ZBTB20: variants seen among roughly 807,000 people sequenced by gnomAD.
The protein encoded by ZBTB20 is zinc finger and BTB domain-containing protein 20.
Under a neutral mutation model 56.9 loss-of-function variants are expected in ZBTB20, and 9 were observed. The ratio of observed to expected loss-of-function variants is 0.16; its 90% CI spans 0.10 to 0.28. The LOEUF is 0.28. Ranked by LOEUF, ZBTB20 falls within the 10% of genes least tolerant of loss-of-function variation. The pLI is 1.00. For missense variants in ZBTB20, 655 were observed against 1,003.0 expected (o/e 0.65, Z 4.69); for synonymous variants, 417 against 420.7 (o/e 0.99, Z 0.11).
chr3:114,736,830 C>A (rs560229306), intron 5 of ZBTB20, among the ~76,000 whole-genome samples: 3 of 152,078 alleles, frequency 2.0e-5, no homozygotes, highest in Middle Eastern at 3.2e-3. Context: ...TTATGAACAG[C>A]CTCTGAAGAC....
intron 3 of ZBTB20, among the ~76,000 whole-genome samples, chr3:114,950,429 C>T (rs2077026059): frequency 6.6e-6 from 1 of 152,062 alleles, no homozygotes. Flanking sequence ...ATTTCCCTCT[C>T]AAAACATCTT....
At chr3:115,067,335 A>G (rs1445973288) in intron 2 of ZBTB20, among the ~76,000 whole-genome samples, 1 of 152,066 alleles carries the variant, frequency 6.6e-6, no homozygotes, top group Non-Finnish European at 1.5e-5. Context: ...TGAGGCCAAT[A>G]ATTCAATGAT....
At chr3:114,768,956 T>G (rs2068977083) in intron 5 of ZBTB20, among the ~76,000 whole-genome samples, 1 of 152,160 alleles carries the variant, frequency 6.6e-6, no homozygotes, top group African/African-American at 2.4e-5. Context: ...TTGTCTTACT[T>G]TGGAAATGAG....
intron 5 of ZBTB20, among the ~76,000 whole-genome samples, chr3:114,721,187 T>C (rs1446856348): frequency 6.6e-6 from 1 of 152,174 alleles, no homozygotes. Context: ...TCCACTTTAT[T>C]CTGTGAACAC....
intron 4 of ZBTB20, among the ~76,000 whole-genome samples, chr3:114,897,863 A>G (rs1180239951): frequency 6.6e-6 from 1 of 152,126 alleles, no homozygotes; most frequent in Non-Finnish European, 1.5e-5. Flanking sequence ...TTAATGCAAT[A>G]GATAACTGGC....
intron 7 of ZBTB20, among the ~76,000 whole-genome samples, chr3:114,465,654 C>G (rs2109188900): frequency 1.3e-5 from 2 of 151,734 alleles, no homozygotes; most frequent in South Asian, 4.2e-4. Flanking sequence ...TTGCAGTGAG[C>G]CGAGATCGCA....
In ZBTB20 at chr3:114,726,687, C is replaced by T. The variant is rs558987407; in HGVS notation, c.-342-33112G>A. Among the ~76,000 whole-genome samples the T allele has an allele frequency of 1.1e-4, 17 of 151,954 alleles. No homozygotes were observed. The South Asian group carries it at 1.2e-3, about 11-fold the overall frequency. ...CAGCACTTTGGGAGGCCAAGGTGGG[C>T]GGATCACGAGGTCAGGAAATCATGA... On this transcript the variant is annotated intron_variant, in intron 5 of 11. Transcript: ENST00000675478.
chr3:114,619,895 A>G (rs2058201188), intron 6 of ZBTB20, among the ~76,000 whole-genome samples: 1 of 152,190 alleles, frequency 6.6e-6, no homozygotes, highest in African/African-American at 2.4e-5. Context: ...TTCACAGGGC[A>G]TCCATAGCCA....
At position 114,836,341 on chromosome 3, in the gene ZBTB20, T is replaced by A. The variant is rs144917039; in HGVS notation, c.-416-35167A>T. 4.6e-3 allele frequency among the ~76,000 whole-genome samples: 702 copies of A among 152,158 alleles called. 4 individuals carry two copies. The highest frequency in any genetic ancestry group is 0.026 in the South Asian group (125 of 4,816). On this transcript the variant is annotated intron_variant, in intron 4 of 11. Coordinates refer to ENST00000675478, the MANE Select transcript of ZBTB20 (RefSeq NM_001348800.3). The stretch of plus-strand genomic sequence containing the variant: ...AATTCTCAAATAGCCTCTGAAAAAA[T>A]TCCACCACAAAGATTTTAAAAAATG...
At chr3:115,145,433 T>C (rs568974133) in intron 1 of ZBTB20, among the ~76,000 whole-genome samples, 1 of 152,336 alleles carries the variant, frequency 6.6e-6, no homozygotes, top group South Asian at 2.1e-4. Flanking sequence ...AATAGTGTAG[T>C]ATTTGCATTT....
Position 114,350,806 on chromosome 3 carries a change from G to C in ZBTB20, c.1272C>G (p.Asn424Lys). The C allele has an allele frequency of 6.2e-7, 1 of 1,613,832 alleles. No individual in the cohort carries two copies. ...GAGAGGAAGCACCTGTTTCTAGCTG[G>C]TTTGTCTGCGGACCACCCTCAGCGG... ...EAPAEGGPQT[N>K]QLETGASSPE... is the part of the protein sequence containing the mutation. The change falls in exon 11 of 12, where the codon AAC (asparagine) becomes AAG (lysine). Residue 424 changes from asparagine (N) to lysine (K), a missense_variant. Around this residue, in one of 10 missense-constraint regions of ZBTB20, gnomAD observed 156 missense variants for 181.0 expected, o/e 0.86. Transcript: ENST00000675478.
chr3:114,496,899 C>T (rs1036313169), intron 7 of ZBTB20, among the ~76,000 whole-genome samples: 1 of 152,164 alleles, frequency 6.6e-6, no homozygotes, highest in African/African-American at 2.4e-5. Context: ...ATGTCTTCTC[C>T]TTATCTGCCT....
At chr3:114,554,334 G>A (rs1044577038) in intron 6 of ZBTB20, among the ~76,000 whole-genome samples, 4 of 152,068 alleles carry the variant, frequency 2.6e-5, no homozygotes, top group African/African-American at 7.2e-5. Flanking sequence ...ATCTTCCCAC[G>A]TTACTACCAC....
chr3:114,697,898 T>G (rs976090843), intron 5 of ZBTB20, among the ~76,000 whole-genome samples: 1 of 152,088 alleles, frequency 6.6e-6, no homozygotes, highest in African/African-American at 2.4e-5. Flanking sequence ...ATTGTTCAGC[T>G]CTCACAAAAA....
At chr3:114,417,167 T>A (rs1408426950) in intron 7 of ZBTB20, among the ~76,000 whole-genome samples, 1 of 152,108 alleles carries the variant, frequency 6.6e-6, no homozygotes, top group Admixed American at 6.6e-5. Flanking sequence ...TTTCTGGCCC[T>A]CGTATAACTC....
At chr3:114,929,161 A>C (rs1394494573) in intron 3 of ZBTB20, among the ~76,000 whole-genome samples, 4 of 152,254 alleles carry the variant, frequency 2.6e-5, no homozygotes, top group Non-Finnish European at 5.9e-5. Context: ...CCTGCAGGGC[A>C]CTAAGCTATT....
At chr3:114,818,542 G>GA (rs987005900) in intron 4 of ZBTB20, among the ~76,000 whole-genome samples, 6 of 151,848 alleles carry the variant, frequency 4.0e-5, no homozygotes, top group South Asian at 2.1e-4. Context: ...AATTTGAGTT[G>GA]AAAAATACAT....
At chr3:114,372,457 G>A (rs1368927230) in intron 10 of ZBTB20, among the ~76,000 whole-genome samples, 1 of 152,186 alleles carries the variant, frequency 6.6e-6, no homozygotes, top group Non-Finnish European at 1.5e-5. Context: ...GAGTCGGGAA[G>A]GGCCACAAAT....
intron 7 of ZBTB20, among the ~76,000 whole-genome samples, chr3:114,451,101 T>G (rs1439161964): frequency 6.6e-6 from 1 of 151,854 alleles, no homozygotes; most frequent in Non-Finnish European, 1.5e-5. Flanking sequence ...CTGAATGAAT[T>G]TCAGCTCCTG....
Sources: allele counts gnomAD v4.1 joint callset (sites outside exome capture counted in the v4.1 genomes callset), GRCh38; gene constraint gnomAD v4.1.1; regional missense constraint gnomAD v4.1.1; transcripts MANE v1.5; gene names NCBI Gene and HGNC (gene_info 2026-07-23, HGNC 2026-07-21).